Variants in GPR137C observed in about 807,000 individuals in gnomAD.
GPR137C encodes the protein G protein-coupled receptor 137C, also known as integral membrane protein GPR137C.
Under a neutral mutation model 43.4 loss-of-function variants are expected in GPR137C, and 27 were observed. The ratio of observed to expected loss-of-function variants is 0.62; its 90% CI spans 0.46 to 0.86. The LOEUF is 0.86. Ranked by LOEUF, GPR137C falls within the 40% of genes least tolerant of loss-of-function variation. GPR137C has a pLI of 0.00. For synonymous variants in GPR137C, 285 were observed against 226.9 expected, an observed-to-expected ratio of 1.26 and a Z score of -2.30; for missense variants, 522 against 534.6, an observed-to-expected ratio of 0.98 and a Z score of 0.23.
chr14:52,575,979 GT>G (rs2038544994), intron 1 of GPR137C, among the ~76,000 whole-genome samples: 1 of 152,126 alleles, frequency 6.6e-6, no homozygotes, highest in Non-Finnish European at 1.5e-5. Context: ...GTTGTTCGGG[GT>G]TTTTACTGGG....
At chr14:52,558,723 T>C (rs986748161) in intron 1 of GPR137C, among the ~76,000 whole-genome samples, 1 of 151,548 alleles carries the variant, frequency 6.6e-6, no homozygotes, top group Non-Finnish European at 1.5e-5. Flanking sequence ...AATTAAACAC[T>C]GTTGAAATAC....
At chr14:52,553,800 GC>G (rs1290421962) in intron 1 of GPR137C, among the ~76,000 whole-genome samples, 1 of 152,212 alleles carries the variant, frequency 6.6e-6, no homozygotes, top group Non-Finnish European at 1.5e-5. Flanking sequence ...AGGGGTTCGG[GC>G]TAGGGGGTGA....
intron 3 of GPR137C, among the ~76,000 whole-genome samples, chr14:52,610,814 A>T (rs1453083282): frequency 6.6e-6 from 1 of 152,228 alleles, no homozygotes; most frequent in African/African-American, 2.4e-5. Flanking sequence ...AATTGAACCA[A>T]TAAACATGCC....
intron 1 of GPR137C, among the ~76,000 whole-genome samples, chr14:52,576,961 A>C (rs925031400): frequency 6.6e-5 from 10 of 152,142 alleles, no homozygotes; most frequent in African/African-American, 2.4e-4. Flanking sequence ...AGGCCGAGGC[A>C]GGTGGATCAC....
At chr14:52,579,359 GTATGGACTAGGGAAAGAGAGATTTAAC>G (rs1467364132) in intron 1 of GPR137C, among the ~76,000 whole-genome samples, 1 of 152,144 alleles carries the variant, frequency 6.6e-6, no homozygotes, top group East Asian at 1.9e-4. Flanking sequence ...TTTGCCCAGG[GTATGGACTAGGGAAAGAGAGATTTAAC>G]TGCTCTTAAA....
intron 1 of GPR137C, among the ~76,000 whole-genome samples, chr14:52,584,854 G>A (rs1041151051): frequency 1.3e-5 from 2 of 152,026 alleles, no homozygotes; most frequent in African/African-American, 2.4e-5. Flanking sequence ...TCTTACCTCA[G>A]CCTCCCAAAG....
intron 1 of GPR137C, among the ~76,000 whole-genome samples, chr14:52,570,257 G>A (rs2038444726): frequency 6.6e-6 from 1 of 152,176 alleles, no homozygotes; most frequent in South Asian, 2.1e-4. Context: ...AGCTTTGTAA[G>A]TGAAGGAGAA....
chr14:52,577,117 G>T lies in GPR137C; in HGVS notation c.445-21155G>T, dbSNP rs1258330530. ...CAGAAGAATCACTTGAACCCGGGGG[G>T]CGGAGGTTGCAATAAGCCAAATTCG... On this transcript the variant is annotated intron_variant, in intron 1 of 6. Coordinates refer to ENST00000321662, the MANE Select transcript of GPR137C (RefSeq NM_001099652.2). Among the ~76,000 whole-genome samples the T allele has an allele frequency of 2.7e-5, 4 of 149,430 alleles. No homozygotes were observed. The East Asian group carries it at 7.8e-4, about 29-fold the overall frequency.
chr14:52,622,827 T>G (rs2039175656), intron 3 of GPR137C, among the ~76,000 whole-genome samples: 1 of 152,126 alleles, frequency 6.6e-6, no homozygotes, highest in South Asian at 2.1e-4. Flanking sequence ...GGTTTATATT[T>G]AATATAAATT....
intron 3 of GPR137C, among the ~76,000 whole-genome samples, chr14:52,600,834 C>A (rs1297651995): frequency 6.6e-6 from 1 of 152,062 alleles, no homozygotes; most frequent in Non-Finnish European, 1.5e-5. Context: ...TAAAATCATG[C>A]TAGCATCTTA....
At chr14:52,599,368 C>A (rs1487191673) in intron 2 of GPR137C, among the ~76,000 whole-genome samples, 1 of 151,708 alleles carries the variant, frequency 6.6e-6, no homozygotes, top group Admixed American at 6.6e-5. Flanking sequence ...GCATTTTTTG[C>A]TACAATCAGA....
chr14:52,564,680 C>T (rs1311649410), intron 1 of GPR137C, among the ~76,000 whole-genome samples: 1 of 151,952 alleles, frequency 6.6e-6, no homozygotes, highest in Non-Finnish European at 1.5e-5. Context: ...ATTTGTGTGA[C>T]TTTTTTGTGT....
intron 1 of GPR137C, among the ~76,000 whole-genome samples, chr14:52,565,711 G>A (rs2038358911): frequency 6.6e-6 from 1 of 152,080 alleles, no homozygotes; most frequent in South Asian, 2.1e-4. Flanking sequence ...TAACTTCATG[G>A]AACATTTCAT....
chr14:52,604,145 A>G (rs1004271195), intron 3 of GPR137C, among the ~76,000 whole-genome samples: 4 of 152,064 alleles, frequency 2.6e-5, no homozygotes, highest in African/African-American at 7.2e-5. Flanking sequence ...AGTTCCTTAT[A>G]TATTCTGGTT....
At chr14:52,612,582 G>C in intron 3 of GPR137C, 1 of 898,212 alleles carries the variant, frequency 1.1e-6, no homozygotes, top group Non-Finnish European at 1.3e-6. Flanking sequence ...TCTTGATAGA[G>C]ACACATTCTC....
chr14:52,557,006 A>T (rs200697133), intron 1 of GPR137C, among the ~76,000 whole-genome samples: 1 of 152,194 alleles, frequency 6.6e-6, no homozygotes. Flanking sequence ...TATGGATGCT[A>T]TTATTGTCCC....
intron 1 of GPR137C, among the ~76,000 whole-genome samples, chr14:52,596,573 C>T (rs930047405): frequency 1.3e-5 from 2 of 152,204 alleles, no homozygotes; most frequent in African/African-American, 4.8e-5. Flanking sequence ...GCAGGTGGAT[C>T]TCAGACTGCT....
intron 1 of GPR137C, among the ~76,000 whole-genome samples, chr14:52,589,578 A>T (rs759385565): frequency 1.3e-5 from 2 of 152,206 alleles, no homozygotes; most frequent in Non-Finnish European, 2.9e-5. Flanking sequence ...ATGACTTAAT[A>T]TAAGTAGTAC....
chr14:52,576,221 T>C (rs1259538007), intron 1 of GPR137C, among the ~76,000 whole-genome samples: 1 of 152,222 alleles, frequency 6.6e-6, no homozygotes, highest in Non-Finnish European at 1.5e-5. Context: ...AGAACATCAG[T>C]ATTTGACTTT....
Sources: gnomAD v4.1 joint callset for allele counts (sites outside exome capture counted in the v4.1 genomes callset) on GRCh38, gnomAD v4.1.1 for gene constraint, MANE v1.5 for transcripts, NCBI Gene and HGNC (gene_info 2026-07-23, HGNC 2026-07-21) for gene names.